Variants in NUMBL observed in about 807,000 individuals in gnomAD.
NUMBL encodes NUMB like endocytic adaptor protein.
Under a neutral mutation model 48.9 loss-of-function variants are expected in NUMBL, and 20 were observed. The ratio of observed to expected loss-of-function variants is 0.41; its 90% CI spans 0.29 to 0.59. The LOEUF is 0.59. Ranked by LOEUF, NUMBL falls within the 20% of genes least tolerant of loss-of-function variation. The probability of loss-of-function intolerance (pLI) is 0.31; values close to 1 mark genes in which losing one functional copy is unlikely to be tolerated. For synonymous variants in NUMBL, 340 were observed against 348.7 expected, an observed-to-expected ratio of 0.98 and a Z score of 0.28; for missense variants, 660 against 846.2, an observed-to-expected ratio of 0.78 and a Z score of 2.73.
chr19:40,667,601 G>A lies in NUMBL; in HGVS notation c.1697C>T (p.Pro566Leu). The stretch of plus-strand genomic sequence containing the variant: ...CAACTCTGGAGCTGGGGCAGGCGCT[G>A]GCTCAGGGGGCCAGGGGGCCCCATT... ...RPNGAPWPPEPAPAPAPELDP... is the reference protein window; with the variant it reads ...RPNGAPWPPELAPAPAPELDP... The change falls in exon 10 of 10, where the codon CCA (proline) becomes CTA (leucine). Residue 566 changes from proline (P) to leucine (L), a missense_variant. By Grantham distance (98) the Pro-to-Leu change is moderately conservative. This residue lies in a region of NUMBL where 296 missense variants were observed against 339.7 expected (regional missense o/e 0.87). Transcript: ENST00000252891. This position sits in a 1 kb window ranked among gnomAD's most constrained non-coding sequence, Gnocchi z 6.1. 2 of 1,554,864 alleles carry A rather than the reference G, an allele frequency of 1.3e-6. No individual in the cohort carries two copies. The highest frequency in any genetic ancestry group is 2.4e-5 in the South Asian group (2 of 84,420).
rs2144663283 is a variant in NUMBL, at chr19:40,682,937, C to T, written c.281G>A (p.Arg94Gln). 1 of 1,613,152 alleles carries T rather than the reference C, an allele frequency of 6.2e-7. No individual in the cohort carries two copies. Among genetic ancestry groups the T allele is most frequent in the East Asian group, 2.2e-5 (1 of 44,810 alleles). ...YLGHVEVEES[R>Q]GMHVCEDAVK... ...CGCATCTTCACACACGTGCATTCCC[C>T]GGGACTCCTCTACCTCCACGTGACC... The change falls in exon 4 of 10, where the codon CGG becomes CAG. Residue 94 changes from arginine to glutamine, a missense_variant. Physicochemically the swap from Arg to Gln is conservative, Grantham distance 43. This residue lies in a region of NUMBL where 278 missense variants were observed against 420.6 expected (regional missense o/e 0.66). Transcript: ENST00000252891. The surrounding 1 kb of genome is among the most constrained non-coding windows in gnomAD (Gnocchi z 4.0).
At position 40,667,744 on chromosome 19, in the gene NUMBL, G is replaced by A. The variant is rs369374254; in HGVS notation, c.1554C>T (p.Asn518=). 66 of 1,579,014 alleles carry A rather than the reference G, an allele frequency of 4.2e-5. No individual in the cohort carries two copies. Among genetic ancestry groups the A allele is most frequent in the Admixed American group, 2.0e-4 (11 of 54,438 alleles). The change falls in exon 10 of 10, where the codon AAC becomes AAT. Residue 518 remains asparagine (N), a synonymous_variant. Transcript: ENST00000252891. The surrounding 1 kb of genome is among the most constrained non-coding windows in gnomAD (Gnocchi z 6.1). ...GGAGCTGGGCGGCTGAGCAGAAGGC[G>A]TTTGCCACCATCTGTGAGGGTGTGA... ...VGITPSQMVA[N]AFCSAAQLQP...
intron 1 of NUMBL, among the ~76,000 whole-genome samples, chr19:40,689,777 G>A (rs1386196248): frequency 6.6e-6 from 1 of 152,114 alleles, no homozygotes; most frequent in Non-Finnish European, 1.5e-5. Context: ...CCTGTGCCCT[G>A]GGACCCATGA....
chr19:40,670,468 C>A (rs2081841372), intron 8 of NUMBL, among the ~76,000 whole-genome samples: 1 of 152,096 alleles, frequency 6.6e-6, no homozygotes, highest in African/African-American at 2.4e-5. Flanking sequence ...CCAGGCTGAT[C>A]TATGGCAAAC....
In NUMBL at chr19:40,666,574, TCAGAG is replaced by T. The variant is rs2081808972; in HGVS notation, c.*889_*893del. ...GTGGTACCTGTTACCACGCTATGACTCAGAGGTTATCACTCAGGGACATCCTTCTG... is the reference window on the plus strand; with the variant it reads ...GTGGTACCTGTTACCACGCTATGACTGTTATCACTCAGGGACATCCTTCTG... On this transcript the variant is annotated 3_prime_UTR_variant, in exon 10 of 10. Transcript: ENST00000252891. The T allele has an allele frequency of 6.6e-6, 1 of 152,566 alleles. No homozygotes were observed. The highest frequency in any genetic ancestry group is 2.1e-4 in the South Asian group (1 of 4,824). 9.5% of individuals were successfully genotyped at this position (152,566 alleles called of 1,614,324 possible).
chr19:40,673,151 C>A lies in NUMBL; in HGVS notation c.1036+193G>T, dbSNP rs867089659. ...CTCAGAGCAGACACGGCTTATCAATCCTGATTTGTGCTATCTCTTTCCTCT... is the reference window on the plus strand; with the variant it reads ...CTCAGAGCAGACACGGCTTATCAATACTGATTTGTGCTATCTCTTTCCTCT... On this transcript the variant is annotated intron_variant, in intron 8 of 9. Transcript: ENST00000252891. This position sits in a 1 kb window ranked among gnomAD's most constrained non-coding sequence, Gnocchi z 5.9. Among the ~76,000 whole-genome samples the A allele has an allele frequency of 2.0e-5, 3 of 152,208 alleles. No individual in the cohort carries two copies. Among genetic ancestry groups the A allele is most frequent in the Admixed American group, 6.5e-5 (1 of 15,280 alleles).
chr19:40,667,355 T>C lies in NUMBL; in HGVS notation c.*113A>G. 1 of 1,413,174 alleles carries C rather than the reference T, an allele frequency of 7.1e-7. No homozygotes were observed. Among genetic ancestry groups the C allele is most frequent in the Middle Eastern group, 2.5e-4 (1 of 3,940 alleles). The allele number at this position is 1,413,174 out of a possible 1,614,324, so 87.5% of individuals were successfully genotyped here. On this transcript the variant is annotated 3_prime_UTR_variant, in exon 10 of 10. Transcript: ENST00000252891. This position sits in a 1 kb window ranked among gnomAD's most constrained non-coding sequence, Gnocchi z 6.1. ...TCGGGGTGGTTGAGGGAGGGGGGTG[T>C]TGAGAGGGTGTTGAGGGGCGCAGCC...
At chr19:40,684,050 G>A (rs1311644313) in intron 3 of NUMBL, 1 of 198,284 alleles carries the variant, frequency 5.0e-6, no homozygotes, top group Non-Finnish European at 1.0e-5. Context: ...ACAGGTGTTA[G>A]CCACCACTAC....
At position 40,667,905 on chromosome 19, in the gene NUMBL, C is replaced by T. The variant is rs778631086; in HGVS notation, c.1393G>A (p.Ala465Thr). Residue 465 changes from alanine to threonine, a missense_variant, in exon 10 of 10, where the codon GCC (alanine) becomes ACC (threonine). Transcript: ENST00000252891. The surrounding 1 kb of genome is among the most constrained non-coding windows in gnomAD (Gnocchi z 6.1). Reference sequence around the variant, plus strand: ...GCAGCGTCAAAGGGCCCCACGGGGGCGGGGAAAGGCTGCAGGGCAGGAGGC... The same window carrying T: ...GCAGCGTCAAAGGGCCCCACGGGGGTGGGGAAAGGCTGCAGGGCAGGAGGC... Reference protein sequence around the residue: ...TMPPALQPFPAPVGPFDAAPA... With the variant: ...TMPPALQPFPTPVGPFDAAPA... The T allele has an allele frequency of 2.2e-5, 35 of 1,574,256 alleles. 1 individual carries two copies. In the South Asian group the frequency reaches 2.9e-4, roughly 13 times the overall value.
chr19:40,680,297 G>T (rs1280354274), intron 6 of NUMBL, among the ~76,000 whole-genome samples: 1 of 151,932 alleles, frequency 6.6e-6, no homozygotes, highest in Non-Finnish European at 1.5e-5. Context: ...ACAGGCGCCT[G>T]CCACCATGCC....
intron 6 of NUMBL, 139 bp downstream of exon 6, chr19:40,680,778 T>C: frequency 1.0e-6 from 1 of 957,844 alleles, no homozygotes; most frequent in Non-Finnish European, 1.6e-6. Context: ...TTGGGAACCG[T>C]GAGTATACTT....
chr19:40,669,873 T>C, intron 9 of NUMBL, 25 bp downstream of exon 9: 1 of 1,609,538 alleles, frequency 6.2e-7, no homozygotes, highest in Non-Finnish European at 8.5e-7. Context: ...GCAGGGTGTC[T>C]GCCCAGCAGA....
rs569428084 is a variant in NUMBL at position 40,674,612 on chromosome 19, C to T, written c.731-963G>A. On this transcript the variant is annotated intron_variant, in intron 7 of 9. Transcript: ENST00000252891. ...TGTCGCCCAGTGCTGCTTCTCCCAT[C>T]GTGACACAATGGGGCACCCATGCAG... Among the ~76,000 whole-genome samples the T allele has an allele frequency of 3.3e-5, 5 of 152,272 alleles. No individual in the cohort carries two copies. The South Asian group carries it at 8.3e-4, about 25-fold the overall frequency.
intron 3 of NUMBL, 188 bp downstream of exon 3, chr19:40,684,229 A>C: frequency 1.6e-6 from 1 of 609,378 alleles, no homozygotes; most frequent in South Asian, 2.0e-5. Context: ...CCACCACGCG[A>C]GGCTAATTTG....
Position 40,684,419 on chromosome 19 carries a change from T to G in NUMBL, c.247A>C (p.Arg83=). 2 of 1,562,852 alleles carry G rather than the reference T, an allele frequency of 1.3e-6. No individual in the cohort carries two copies. Among genetic ancestry groups the G allele is most frequent in the Non-Finnish European group, 1.7e-6 (2 of 1,158,642 alleles). The change falls in exon 3 of 10, where the codon AGG becomes CGG. Residue 83 remains arginine (R), a splice_region_variant and synonymous_variant. Coordinates refer to ENST00000252891, the MANE Select transcript of NUMBL (RefSeq NM_004756.5). ...CGCACCCTGCCGCGCCCACTCACCCTGACCGGGAAGCTGCACGTGCCCTTC... is the reference window on the plus strand; with the variant it reads ...CGCACCCTGCCGCGCCCACTCACCCGGACCGGGAAGCTGCACGTGCCCTTC... ...VRKGTCSFPV[R]YLGHVEVEES...
Position 40,688,630 on chromosome 19 carries a change from C to G in NUMBL, c.25-1635G>C, listed in dbSNP as rs540541494. 1.3e-5 allele frequency among the ~76,000 whole-genome samples: 2 copies of G among 152,164 alleles called. No homozygotes were observed. Among genetic ancestry groups the G allele is most frequent in the South Asian group, 2.1e-4 (1 of 4,830 alleles). On this transcript the variant is annotated intron_variant, in intron 1 of 9. Coordinates refer to ENST00000252891, the MANE Select transcript of NUMBL (RefSeq NM_004756.5). This position sits in a 1 kb window ranked among gnomAD's most constrained non-coding sequence, Gnocchi z 4.6. Reference sequence around the variant, plus strand: ...CAGATGATGACATAGACACAGACATCTATAGTCACCCAGGGTCAGACATGC... The same window carrying G: ...CAGATGATGACATAGACACAGACATGTATAGTCACCCAGGGTCAGACATGC...
Position 40,677,429 on chromosome 19 carries a change from G to T in NUMBL, c.541-8C>A. 6.2e-7 allele frequency: 1 copy of T among 1,605,052 alleles called. No individual in the cohort carries two copies. The highest frequency in any genetic ancestry group is 1.1e-5 in the South Asian group (1 of 90,856). On this transcript the variant is annotated splice_region_variant and splice_polypyrimidine_tract_variant and intron_variant, in intron 6 of 9. Coordinates refer to ENST00000252891, the MANE Select transcript of NUMBL (RefSeq NM_004756.5). ...GTGGCTCAGCCTCTCGCCCTATGGGGAGAGGATGGGCGGGGGGGTTAGAGG... is the reference window on the plus strand; with the variant it reads ...GTGGCTCAGCCTCTCGCCCTATGGGTAGAGGATGGGCGGGGGGGTTAGAGG...
intron 8 of NUMBL, among the ~76,000 whole-genome samples, chr19:40,672,944 C>T (rs1489674900): frequency 2.0e-5 from 3 of 152,184 alleles, no homozygotes; most frequent in Non-Finnish European, 2.9e-5. Context: ...CAAAAACAGG[C>T]CAATGGTGTT....
At chr19:40,671,370 G>A (rs1031402768) in intron 8 of NUMBL, among the ~76,000 whole-genome samples, 2 of 106,476 alleles carry the variant, frequency 1.9e-5, no homozygotes, top group African/African-American at 9.8e-5. Flanking sequence ...TGTGTGACAT[G>A]TGTGTGGGGG....
Sources: allele counts gnomAD v4.1 joint callset (sites outside exome capture counted in the v4.1 genomes callset), GRCh38; gene constraint gnomAD v4.1.1; regional missense constraint gnomAD v4.1.1; non-coding constraint Gnocchi (gnomAD v3.1); transcripts MANE v1.5; gene names NCBI Gene and HGNC (gene_info 2026-07-23, HGNC 2026-07-21).